RAB2A: variants seen among roughly 807,000 people sequenced by gnomAD.
RAB2A encodes the protein ras-related protein Rab-2A.
A neutral mutation model predicts 32.5 loss-of-function variants in RAB2A; 7 were observed. That is an observed-to-expected ratio of 0.22 (90% CI 0.12 to 0.40). RAB2A has a LOEUF of 0.40. Ranked by LOEUF, RAB2A falls within the 10% of genes least tolerant of loss-of-function variation. RAB2A has a pLI of 1.00. For synonymous variants in RAB2A, 79 were observed against 85.2 expected, an observed-to-expected ratio of 0.93 and a Z score of 0.40; for missense variants, 108 against 260.7, an observed-to-expected ratio of 0.41 and a Z score of 4.03.
intron 1 of RAB2A, among the ~76,000 whole-genome samples, chr8:60,520,162 G>A (rs1279229090): frequency 6.6e-6 from 1 of 152,168 alleles, no homozygotes; most frequent in Non-Finnish European, 1.5e-5. Context: ...TCAAAGGAAA[G>A]GAACAATGCA....
intron 3 of RAB2A, among the ~76,000 whole-genome samples, chr8:60,579,189 C>T (rs1437522229): frequency 3.3e-5 from 5 of 152,040 alleles, no homozygotes; most frequent in Admixed American, 2.0e-4. Context: ...ATTACAGGCA[C>T]GTGCCACCAC....
chr8:60,606,562 G>A (rs1366374389), intron 6 of RAB2A, among the ~76,000 whole-genome samples: 1 of 152,178 alleles, frequency 6.6e-6, no homozygotes, highest in Non-Finnish European at 1.5e-5. Context: ...AAATGCCCTA[G>A]TCTTCCTAAA....
intron 1 of RAB2A, among the ~76,000 whole-genome samples, chr8:60,525,717 C>G (rs1482317483): frequency 6.6e-6 from 1 of 151,944 alleles, no homozygotes; most frequent in Admixed American, 6.6e-5. Context: ...ATATTGATAG[C>G]AGCATGCTGT....
At chr8:60,539,364 A>G (rs1443398190) in intron 1 of RAB2A, among the ~76,000 whole-genome samples, 4 of 152,216 alleles carry the variant, frequency 2.6e-5, no homozygotes, top group African/African-American at 7.2e-5. Flanking sequence ...TAGATGCATT[A>G]TCTCTTTTAT....
At chr8:60,604,360 C>T (rs1804189919) in intron 6 of RAB2A, among the ~76,000 whole-genome samples, 1 of 152,114 alleles carries the variant, frequency 6.6e-6, no homozygotes, top group South Asian at 2.1e-4. Flanking sequence ...AGGACTGATA[C>T]AGAAAATTGG....
Position 60,567,049 on chromosome 8 carries a change from G to C in RAB2A, c.119-4997G>C, listed in dbSNP as rs1808125266. ...GTCCTAATACCTTTGTAATATGTTA[G>C]ACCCCTGTATGTAAGCAAGCAAGCC... On this transcript the variant is annotated intron_variant, in intron 2 of 7. Transcript: ENST00000262646. Among the ~76,000 whole-genome samples, 2 of 151,710 alleles carry C rather than the reference G, an allele frequency of 1.3e-5. 1 individual carries two copies. Among genetic ancestry groups the C allele is most frequent in the South Asian group, 4.2e-4 (2 of 4,816 alleles).
At chr8:60,595,074 T>G (rs1331081745) in intron 6 of RAB2A, among the ~76,000 whole-genome samples, 1 of 151,306 alleles carries the variant, frequency 6.6e-6, no homozygotes, top group East Asian at 1.9e-4. Flanking sequence ...AACCAAGAAT[T>G]TATTAGTAGC....
intron 3 of RAB2A, 135 bp from the exon 4 acceptor site, chr8:60,584,073 G>C (rs1803809039): frequency 7.2e-6 from 5 of 697,568 alleles, no homozygotes; most frequent in Non-Finnish European, 1.0e-5. Flanking sequence ...TTTTTCCTAA[G>C]ACTGGTGAAG....
intron 1 of RAB2A, among the ~76,000 whole-genome samples, chr8:60,547,157 A>C (rs3929643): frequency 6.6e-6 from 1 of 151,098 alleles, no homozygotes; most frequent in South Asian, 2.1e-4. Flanking sequence ...CACCGCCCTT[A>C]ATCCATTCAA....
intron 6 of RAB2A, among the ~76,000 whole-genome samples, chr8:60,614,315 A>G (rs969889877): frequency 5.3e-5 from 8 of 151,892 alleles, no homozygotes; most frequent in African/African-American, 1.7e-4. Flanking sequence ...TGCCAACTAA[A>G]TGATTTTATT....
At chr8:60,557,279 G>T (rs1428859681) in intron 1 of RAB2A, among the ~76,000 whole-genome samples, 1 of 152,136 alleles carries the variant, frequency 6.6e-6, no homozygotes, top group Non-Finnish European at 1.5e-5. Flanking sequence ...ATTTTGGGAC[G>T]CCGAGGGGGA....
At chr8:60,536,251 T>C (rs890149649) in intron 1 of RAB2A, among the ~76,000 whole-genome samples, 1 of 152,242 alleles carries the variant, frequency 6.6e-6, no homozygotes, top group African/African-American at 2.4e-5. Flanking sequence ...TATGGGAATT[T>C]AGCAGTTTGA....
chr8:60,607,895 C>T (rs1804262871), intron 6 of RAB2A, among the ~76,000 whole-genome samples: 2 of 152,182 alleles, frequency 1.3e-5, no homozygotes, highest in Admixed American at 1.3e-4. Flanking sequence ...ATTCTTGGCT[C>T]CCAGCATGTA....
chr8:60,523,480 G>A (rs925539107), intron 1 of RAB2A, among the ~76,000 whole-genome samples: 3 of 151,954 alleles, frequency 2.0e-5, no homozygotes, highest in African/African-American at 7.2e-5. Flanking sequence ...TCTTACATAT[G>A]TCTCTTTCTC....
Position 60,584,726 on chromosome 8 carries a change from A to G in RAB2A, c.273A>G (p.Arg91=). 6.2e-7 allele frequency: 1 copy of G among 1,606,490 alleles called. No individual in the cohort carries two copies. Among genetic ancestry groups the G allele is most frequent in the Non-Finnish European group, 8.5e-7 (1 of 1,173,380 alleles). Residue 91 remains arginine, a synonymous_variant, in exon 5 of 8, where the codon AGA becomes AGG. Coordinates refer to ENST00000262646, the MANE Select transcript of RAB2A (RefSeq NM_002865.3). ...GALLVYDITR[R]DTFNHLTTWL... ...TTAAATTATTATTTATGTTTAGGAGAGATACATTCAACCACTTGACAACCT... is the reference window on the plus strand; with the variant it reads ...TTAAATTATTATTTATGTTTAGGAGGGATACATTCAACCACTTGACAACCT...
chr8:60,543,979 T>C (rs1006930076), intron 1 of RAB2A, among the ~76,000 whole-genome samples: 2 of 149,864 alleles, frequency 1.3e-5, no homozygotes, highest in Admixed American at 6.7e-5. Context: ...GGAGAATCAC[T>C]TGAACTCGGT....
chr8:60,564,160 A>G (rs550361583), intron 2 of RAB2A, among the ~76,000 whole-genome samples: 1 of 152,282 alleles, frequency 6.6e-6, no homozygotes, highest in African/African-American at 2.4e-5. Context: ...CATCTTTGCT[A>G]TCTTTACTCT....
chr8:60,574,856 G>A (rs554482459), intron 3 of RAB2A, among the ~76,000 whole-genome samples: 4 of 152,254 alleles, frequency 2.6e-5, no homozygotes, highest in Non-Finnish European at 4.4e-5. Flanking sequence ...CTCTAGGAGG[G>A]TAGAGGGCTC....
At chr8:60,579,509 G>T (rs929010154) in intron 3 of RAB2A, among the ~76,000 whole-genome samples, 2 of 152,136 alleles carry the variant, frequency 1.3e-5, no homozygotes, top group South Asian at 4.1e-4. Context: ...CTAATATTAG[G>T]AATCTCTTAC....
Sources: gnomAD v4.1 joint callset for allele counts (sites outside exome capture counted in the v4.1 genomes callset) on GRCh38, gnomAD v4.1.1 for gene constraint, MANE v1.5 for transcripts, NCBI Gene and HGNC (gene_info 2026-07-23, HGNC 2026-07-21) for gene names.